The following USP37 variants were observed in gnomAD, a reference collection of about 807,000 sequenced individuals.
USP37 encodes ubiquitin specific peptidase 37, also known as ubiquitin carboxyl-terminal hydrolase 37.
Under a neutral mutation model 124.0 loss-of-function variants are expected in USP37, and 27 were observed. That is an observed-to-expected ratio of 0.22 (90% confidence interval 0.16 to 0.30). USP37 has a LOEUF of 0.30. USP37 is among the 10% of genes least tolerant of loss of function. USP37 has a pLI of 1.00. For missense variants in USP37, 889 were observed against 1,140.4 expected (o/e 0.78, Z 3.17); for synonymous variants, 365 against 388.0 (o/e 0.94, Z 0.70).
intron 20 of USP37, among the ~76,000 whole-genome samples, chr2:218,470,674 G>T (rs971006842): frequency 1.2e-4 from 18 of 152,224 alleles, no homozygotes; most frequent in Middle Eastern, 3.4e-3. Flanking sequence ...TTTCTTTTAG[G>T]TCCACTAACT....
At chr2:218,495,643 G>A (rs1205537963) in intron 14 of USP37, 117 bp downstream of exon 14, 4 of 1,172,556 alleles carry the variant, frequency 3.4e-6, no homozygotes. Context: ...AGGCAACTGT[G>A]TGAGACCCTG....
intron 11 of USP37, chr2:218,498,363 C>CAGCTACAGCAGAGAGATTCTCTGGTTA: frequency 2.7e-6 from 1 of 374,426 alleles, no homozygotes. Context: ...ATGTCCATTT[C>CAGCTACAGCAGAGAGATTCTCTGGTTA]TAACAAGTTA....
Position 218,488,416 on chromosome 2 carries a change from C to A in USP37, c.1478G>T (p.Gly493Val). The A allele has an allele frequency of 5.0e-6, 8 of 1,588,680 alleles. No individual in the cohort carries two copies. The highest frequency in any genetic ancestry group is 6.9e-6 in the Non-Finnish European group (8 of 1,166,696). Residue 493 changes from glycine (G) to valine (V), a missense_variant, in exon 15 of 26, where the codon GGA becomes GTA. By Grantham distance (109) the Gly-to-Val change is moderately radical. Transcript: ENST00000258399. Reference sequence around the variant, plus strand: ...CTGTTCTCTTTTGGGGATAATCTCTCCACATCTGTAAGAATAAAATGAGAC... The same window carrying A: ...CTGTTCTCTTTTGGGGATAATCTCTACACATCTGTAAGAATAAAATGAGAC... ...VQHSIICKAC[G>V]EIIPKREQFN... is the part of the protein sequence containing the mutation.
At chr2:218,541,784 A>T (rs943505354) in intron 8 of USP37, among the ~76,000 whole-genome samples, 1 of 151,326 alleles carries the variant, frequency 6.6e-6, no homozygotes, top group African/African-American at 2.5e-5. Flanking sequence ...AGTCAATATA[A>T]ACGGTACAAG....
chr2:218,519,410 G>A (rs569568074), intron 10 of USP37, among the ~76,000 whole-genome samples: 18 of 152,266 alleles, frequency 1.2e-4, no homozygotes, highest in African/African-American at 4.1e-4. Context: ...TATTCCCAGA[G>A]GGAACCCTTC....
chr2:218,454,826 TC>T lies in USP37; in HGVS notation c.*103del. 6.5e-7 allele frequency: 1 copy of T among 1,540,786 alleles called. No homozygotes were observed. The highest frequency in any genetic ancestry group is 8.7e-7 in the Non-Finnish European group (1 of 1,149,174). On this transcript the variant is annotated 3_prime_UTR_variant, in exon 26 of 26. Transcript: ENST00000258399. ...GGTTTGGCCCTGAGCTGTTTGTTGCTCCCGCATCAAGTAGAATTCCAAATTC... is the reference window on the plus strand; with the variant it reads ...GGTTTGGCCCTGAGCTGTTTGTTGCTCCGCATCAAGTAGAATTCCAAATTC...
At chr2:218,503,022 T>C (rs1164953136) in intron 11 of USP37, among the ~76,000 whole-genome samples, 1 of 152,162 alleles carries the variant, frequency 6.6e-6, no homozygotes, top group Non-Finnish European at 1.5e-5. Flanking sequence ...AAGAAACACA[T>C]TATCACGTTA....
In USP37 at chr2:218,547,033, A is replaced by G; in HGVS notation, c.488T>C (p.Leu163Pro). ...AATCGATCCTCTACCCGGATTACCA[A>G]GAACTTTTCGAAATGGAATATCATC... ...TKDDIPFRKV[L>P]GNPGRGSIKT... The change falls in exon 7 of 26, where the codon CTT becomes CCT. Residue 163 changes from leucine to proline, a missense_variant. Around this residue, in one of 3 missense-constraint regions of USP37, gnomAD observed 374 missense variants for 386.0 expected, o/e 0.97. Transcript: ENST00000258399. 1 of 1,611,840 alleles carries G rather than the reference A, an allele frequency of 6.2e-7. No homozygotes were observed.
At chr2:218,526,948 C>T (rs1017901276) in intron 10 of USP37, among the ~76,000 whole-genome samples, 1 of 151,814 alleles carries the variant, frequency 6.6e-6, no homozygotes, top group Admixed American at 6.6e-5. Flanking sequence ...GCCACCACGC[C>T]CGGCTAATTT....
chr2:218,533,998 T>C (rs1197536372), intron 9 of USP37, among the ~76,000 whole-genome samples: 1 of 152,236 alleles, frequency 6.6e-6, no homozygotes, highest in Non-Finnish European at 1.5e-5. Flanking sequence ...TGCACTTTAA[T>C]TTCAACCACT....
At chr2:218,498,298 G>T in intron 11 of USP37, 141 bp from the exon 12 acceptor site, 1 of 808,218 alleles carries the variant, frequency 1.2e-6, no homozygotes, top group Non-Finnish European at 1.8e-6. Flanking sequence ...TAACCCCAAG[G>T]TTTCTGATTC....
intron 1 of USP37, among the ~76,000 whole-genome samples, chr2:218,567,598 A>G (rs184725777): frequency 2.0e-5 from 3 of 152,198 alleles, no homozygotes; most frequent in Admixed American, 6.5e-5. Flanking sequence ...ACAGAGCTGA[A>G]ATTTTGAGAG....
intron 16 of USP37, among the ~76,000 whole-genome samples, chr2:218,484,544 C>A (rs1691442944): frequency 6.6e-6 from 1 of 152,030 alleles, no homozygotes; most frequent in Non-Finnish European, 1.5e-5. Flanking sequence ...ATCGCTTGAA[C>A]CCGTGAGGCA....
intron 8 of USP37, among the ~76,000 whole-genome samples, chr2:218,544,039 T>C (rs1692156365): frequency 6.6e-6 from 1 of 152,152 alleles, no homozygotes; most frequent in African/African-American, 2.4e-5. Flanking sequence ...CATTCTATGT[T>C]ATCTTTGTGA....
intron 11 of USP37, among the ~76,000 whole-genome samples, chr2:218,503,686 G>C (rs897573799): frequency 1.3e-5 from 2 of 152,116 alleles, no homozygotes; most frequent in Non-Finnish European, 2.9e-5. Context: ...TTGCACTCCA[G>C]CCTGGGCAAC....
At chr2:218,544,430 T>TATATATATATAGAGAGAG (rs377397246) in intron 8 of USP37, among the ~76,000 whole-genome samples, 1 of 50,806 alleles carries the variant, frequency 2.0e-5, no homozygotes, top group African/African-American at 1.3e-4. Flanking sequence ...TATATATATA[T>TATATATATATAGAGAGAG]AGAGAGAGAG....
In USP37 at chr2:218,451,060, T is replaced by G. The variant is rs1223641589; in HGVS notation, c.*3870A>C. 2.0e-5 allele frequency: 3 copies of G among 152,120 alleles called. No homozygotes were observed. The South Asian group carries it at 6.2e-4, about 31-fold the overall frequency. 9.4% of individuals were successfully genotyped at this position (152,120 alleles called of 1,614,324 possible). A position where few individuals can be genotyped will look rare whatever the true frequency, so the allele number is the denominator to read the frequency against. On this transcript the variant is annotated 3_prime_UTR_variant, in exon 26 of 26. Transcript: ENST00000258399. ...GGCCTAACAAATTAGAATTTTCCAA[T>G]AAAAAATATATATTTTTTCAGATGT...
At chr2:218,527,013 C>A (rs1461242819) in intron 10 of USP37, among the ~76,000 whole-genome samples, 1 of 152,158 alleles carries the variant, frequency 6.6e-6, no homozygotes, top group East Asian at 1.9e-4. Context: ...TGGTCTCGAT[C>A]TCCCGACCTC....
intron 17 of USP37, 88 bp downstream of exon 17, chr2:218,481,982 T>C: frequency 7.0e-7 from 1 of 1,421,122 alleles, no homozygotes; most frequent in South Asian, 1.5e-5. Flanking sequence ...TGGAGTCATA[T>C]TATGTAATTC....
Sources: gnomAD v4.1 joint callset for allele counts (sites outside exome capture counted in the v4.1 genomes callset) on GRCh38, gnomAD v4.1.1 for gene constraint, gnomAD v4.1.1 regional missense constraint, MANE v1.5 for transcripts, NCBI Gene and HGNC (gene_info 2026-07-23, HGNC 2026-07-21) for gene names.